The following DNAJC11 variants were observed in gnomAD, a reference collection of about 807,000 sequenced individuals.
The protein encoded by DNAJC11 is dnaJ homolog subfamily C member 11.
Under a neutral mutation model 78.6 loss-of-function variants are expected in DNAJC11, and 15 were observed. The observed-to-expected ratio is 0.19, with a 90% CI of 0.13 to 0.29. The LOEUF (loss-of-function observed/expected upper bound fraction) is 0.29, where lower values mean the gene tolerates loss of function less well. Ranked by LOEUF, DNAJC11 falls within the 10% of genes least tolerant of loss-of-function variation. The pLI is 1.00. For missense variants in DNAJC11, 547 were observed against 709.6 expected (o/e 0.77, Z 2.60); for synonymous variants, 292 against 272.1 (o/e 1.07, Z -0.72).
chr1:6,691,037 T>C (rs1642736705), intron 1 of DNAJC11, among the ~76,000 whole-genome samples: 1 of 151,784 alleles, frequency 6.6e-6, no homozygotes, highest in Non-Finnish European at 1.5e-5. Flanking sequence ...TTCTAAAAAG[T>C]TTCTACAAAT....
rs1333157699 is a variant in DNAJC11 at position 6,675,550 on chromosome 1, G to C, written c.276+2844C>G. Reference sequence around the variant, plus strand: ...TCCCACCTCAGCCTCCCAAGAAGTAGGATTACAGGCACTCACCACCATGCC... The same window carrying C: ...TCCCACCTCAGCCTCCCAAGAAGTACGATTACAGGCACTCACCACCATGCC... On this transcript the variant is annotated intron_variant, in intron 3 of 15. Coordinates refer to ENST00000377577, the MANE Select transcript of DNAJC11 (RefSeq NM_018198.4). Among the ~76,000 whole-genome samples, 3 of 152,078 alleles carry C rather than the reference G, an allele frequency of 2.0e-5. No individual in the cohort carries two copies. The East Asian group carries it at 5.8e-4, about 29-fold the overall frequency.
chr1:6,681,047 G>T lies in DNAJC11; in HGVS notation c.73-10C>A. On this transcript the variant is annotated splice_polypyrimidine_tract_variant and intron_variant, in intron 1 of 15. Transcript: ENST00000377577. ...GCTCTTCAGAAGAGGCCTAAAGAAA[G>T]AAAAATTCAATTAGAGAACAATCAA... 6.3e-7 allele frequency: 1 copy of T among 1,588,948 alleles called. No homozygotes were observed.
intron 3 of DNAJC11, among the ~76,000 whole-genome samples, chr1:6,676,491 G>A (rs1642464204): frequency 6.6e-6 from 1 of 151,890 alleles, no homozygotes; most frequent in Non-Finnish European, 1.5e-5. Flanking sequence ...ACCAGCCTGG[G>A]CAACATAGAA....
Position 6,635,650 on chromosome 1 carries a change from T to C in DNAJC11, c.*25A>G, listed in dbSNP as rs764425113. 1.1e-5 allele frequency: 17 copies of C among 1,612,686 alleles called. No homozygotes were observed. The East Asian group carries it at 3.1e-4, about 30-fold the overall frequency. ...TCCCAGGAAAAGATTTTTTGCGGCC[T>C]TTTAAAAATCTGGTTCTTGGCAGTT... On this transcript the variant is annotated 3_prime_UTR_variant, in exon 16 of 16. Coordinates refer to ENST00000377577, the MANE Select transcript of DNAJC11 (RefSeq NM_018198.4).
At chr1:6,642,467 T>A in intron 10 of DNAJC11, among the ~76,000 whole-genome samples, 1 of 151,516 alleles carries the variant, frequency 6.6e-6, no homozygotes, top group South Asian at 2.1e-4. Flanking sequence ...TGATTTGGAG[T>A]GTGGGAGAGA....
chr1:6,638,421 AAC>A, intron 11 of DNAJC11, 57 bp from the exon 12 acceptor site: 5 of 1,558,872 alleles, frequency 3.2e-6, no homozygotes, highest in Non-Finnish European at 4.4e-6. Context: ...GCTTCCAGCC[AAC>A]ACAGCCCCTC....
intron 3 of DNAJC11, among the ~76,000 whole-genome samples, chr1:6,669,578 G>GAAA (rs1557480334): frequency 2.5e-4 from 34 of 135,204 alleles, no homozygotes; most frequent in African/African-American, 9.5e-4. Flanking sequence ...AAGAAAAGAA[G>GAAA]GCATTTCAAT....
chr1:6,643,633 G>A (rs866693694), intron 10 of DNAJC11, among the ~76,000 whole-genome samples: 1 of 152,118 alleles, frequency 6.6e-6, no homozygotes, highest in African/African-American at 2.4e-5. Flanking sequence ...CTCAGGTGGA[G>A]CAAGGGTATG....
At position 6,645,453 on chromosome 1, in the gene DNAJC11, T is replaced by A. The variant is rs1641950296; in HGVS notation, c.895-327A>T. 6.6e-6 allele frequency among the ~76,000 whole-genome samples: 1 copy of A among 152,164 alleles called. No individual in the cohort carries two copies. The highest frequency in any genetic ancestry group is 2.1e-4 in the South Asian group (1 of 4,828). On this transcript the variant is annotated intron_variant, in intron 8 of 15. Transcript: ENST00000377577. The surrounding 1 kb of genome is among the most constrained non-coding windows in gnomAD (Gnocchi z 4.1). ...GGGGCTTCTCATGTACCAGCCCTGG[T>A]GTGGCCACAGGGGCGTCCGAGGGCA...
At chr1:6,669,524 A>AGAAAG (rs754709959) in intron 3 of DNAJC11, among the ~76,000 whole-genome samples, 4 of 97,874 alleles carry the variant, frequency 4.1e-5, no homozygotes, top group African/African-American at 1.8e-4. Flanking sequence ...AGAAAAGAAA[A>AGAAAG]GAAAAGAAAA....
In DNAJC11 at chr1:6,637,265, A is replaced by G. The variant is rs1216344390; in HGVS notation, c.1457T>C (p.Ile486Thr). The change falls in exon 14 of 16, where the codon ATT becomes ACT. Residue 486 changes from isoleucine to threonine, a missense_variant. Coordinates refer to ENST00000377577, the MANE Select transcript of DNAJC11 (RefSeq NM_018198.4). ...KSRKSEKVKV[I>T]DVTVPLQCLV... ...GCACTGCAGGGGCACAGTCACGTCA[A>G]TCACCTTCACCTTCTCGCTCTTCCT... 2 of 1,614,060 alleles carry G rather than the reference A, an allele frequency of 1.2e-6. No homozygotes were observed. Among genetic ancestry groups the G allele is most frequent in the African/African-American group, 1.3e-5 (1 of 74,998 alleles).
chr1:6,648,844 C>T (rs936719766), intron 7 of DNAJC11, among the ~76,000 whole-genome samples: 5 of 152,188 alleles, frequency 3.3e-5, no homozygotes, highest in African/African-American at 1.2e-4. Context: ...ATGCTGTTTC[C>T]CTGCTGTTCT....
In DNAJC11 at chr1:6,681,051, A is replaced by T. The variant is rs376955971; in HGVS notation, c.73-14T>A. 36 of 1,588,468 alleles carry T rather than the reference A, an allele frequency of 2.3e-5. No individual in the cohort carries two copies. Among genetic ancestry groups the T allele is most frequent in the Non-Finnish European group, 3.0e-5 (35 of 1,166,532 alleles). Reference sequence around the variant, plus strand: ...TTCAGAAGAGGCCTAAAGAAAGAAAAATTCAATTAGAGAACAATCAATGCT... The same window carrying T: ...TTCAGAAGAGGCCTAAAGAAAGAAATATTCAATTAGAGAACAATCAATGCT... On this transcript the variant is annotated splice_polypyrimidine_tract_variant and intron_variant, in intron 1 of 15. Coordinates refer to ENST00000377577, the MANE Select transcript of DNAJC11 (RefSeq NM_018198.4).
At chr1:6,643,866 A>T (rs1415503447) in intron 10 of DNAJC11, among the ~76,000 whole-genome samples, 1 of 151,938 alleles carries the variant, frequency 6.6e-6, no homozygotes, top group Non-Finnish European at 1.5e-5. Flanking sequence ...CAGCAAAGAC[A>T]CAAGCAACTG....
chr1:6,657,721 T>C (rs1456730605), intron 4 of DNAJC11, among the ~76,000 whole-genome samples: 1 of 152,242 alleles, frequency 6.6e-6, no homozygotes, highest in Non-Finnish European at 1.5e-5. Context: ...CTCGGCTCGC[T>C]GCAAGCTCTG....
chr1:6,701,227 G>T (rs1051435050), intron 1 of DNAJC11, among the ~76,000 whole-genome samples: 1 of 152,202 alleles, frequency 6.6e-6, no homozygotes, highest in Non-Finnish European at 1.5e-5. Context: ...ACCCACTTCA[G>T]AGGCAGAGCG....
intron 1 of DNAJC11, among the ~76,000 whole-genome samples, chr1:6,691,179 C>A (rs1170482675): frequency 1.5e-5 from 2 of 137,424 alleles, no homozygotes; most frequent in Non-Finnish European, 3.1e-5. Flanking sequence ...CAACAGAATC[C>A]CAAAGACTGA....
At position 6,634,523 on chromosome 1, in the gene DNAJC11, G is replaced by C. The variant is rs1487214974; in HGVS notation, c.*1152C>G. The C allele has an allele frequency of 7.3e-7, 1 of 1,360,570 alleles. No individual in the cohort carries two copies. Among genetic ancestry groups the C allele is most frequent in the Non-Finnish European group, 9.8e-7 (1 of 1,019,780 alleles). 84.3% of individuals were successfully genotyped at this position (1,360,570 alleles called of 1,614,324 possible). A position where few individuals can be genotyped will look rare whatever the true frequency, so the allele number is the denominator to read the frequency against. On this transcript the variant is annotated 3_prime_UTR_variant, in exon 16 of 16. Coordinates refer to ENST00000377577, the MANE Select transcript of DNAJC11 (RefSeq NM_018198.4). ...CAGCTTGGGGCCCCCCGCGCCAGCT[G>C]TCTCAGCCACCACCTGTGCGGCGCT...
At chr1:6,675,142 ACT>A (rs1273477810) in intron 3 of DNAJC11, among the ~76,000 whole-genome samples, 11 of 152,106 alleles carry the variant, frequency 7.2e-5, no homozygotes, top group Non-Finnish European at 1.3e-4. Context: ...GTTCAATGAG[ACT>A]TTCTGTGTAT....
Sources: gnomAD v4.1 joint callset for allele counts (sites outside exome capture counted in the v4.1 genomes callset) on GRCh38, gnomAD v4.1.1 for gene constraint, Gnocchi (gnomAD v3.1) non-coding constraint, MANE v1.5 for transcripts, NCBI Gene and HGNC (gene_info 2026-07-23, HGNC 2026-07-21) for gene names.